The following MYO15A variants were observed in gnomAD, a reference collection of about 807,000 sequenced individuals.
MYO15A encodes myosin XVA, also known as unconventional myosin-XV.
MYO15A carries 308 observed loss-of-function variants against 394.6 expected under a neutral mutation model. That is an observed-to-expected ratio of 0.78 (90% confidence interval 0.71 to 0.86). MYO15A has a LOEUF of 0.86. MYO15A is among the 40% of genes least tolerant of loss of function. The pLI is 0.00. For synonymous variants in MYO15A, 1,957 were observed against 2,003.8 expected (o/e 0.98, Z 0.62); for missense variants, 4,606 against 4,799.1 (o/e 0.96, Z 1.19).
intron 47 of MYO15A, chr17:18,155,869 T>C: frequency 4.5e-6 from 2 of 443,720 alleles, no homozygotes; most frequent in Non-Finnish European, 8.4e-6. Context: ...AGGTAAAACC[T>C]GCATGCTTTG....
Position 18,119,525 on chromosome 17 carries a change from G to A in MYO15A, c.725G>A (p.Gly242Asp), listed in dbSNP as rs1567619584. ...LGEYYDYHRD[G>D]DDYYDRQSLH... ...GAGTATTATGACTATCACCGCGACG[G>A]CGACGACTACTACGACCGGCAGTCA... is the stretch of plus-strand genomic sequence containing the variant. The change falls in exon 2 of 66, where the codon GGC becomes GAC. Residue 242 changes from glycine (G) to aspartate (D), a missense_variant. Coordinates refer to ENST00000647165, the MANE Select transcript of MYO15A (RefSeq NM_016239.4). 2 of 1,610,550 alleles carry A rather than the reference G, an allele frequency of 1.2e-6. No homozygotes were observed. The highest frequency in any genetic ancestry group is 3.3e-5 in the Admixed American group (2 of 60,020).
In MYO15A at chr17:18,154,705, C is replaced by T; in HGVS notation, c.8174C>T (p.Ala2725Val). 3 of 1,613,740 alleles carry T rather than the reference C, an allele frequency of 1.9e-6. No individual in the cohort carries two copies. Among genetic ancestry groups the T allele is most frequent in the African/African-American group, 1.3e-5 (1 of 75,030 alleles). Residue 2725 changes from alanine (A) to valine (V), a missense_variant, in exon 45 of 66, where the codon GCC becomes GTC. This residue lies in a region of MYO15A where 2,776 missense variants were observed against 3,109.3 expected (regional missense o/e 0.89). Coordinates refer to ENST00000647165, the MANE Select transcript of MYO15A (RefSeq NM_016239.4). The stretch of plus-strand genomic sequence containing the variant: ...ATCCTGCACGACACGCTCTCCGAGG[C>T]CTGCCTTCGCATCTCTGAGGATGAG... ...RQILHDTLSE[A>V]CLRISEDERL...
At chr17:18,140,890 C>A (rs2046366588) in intron 21 of MYO15A, 58 bp downstream of exon 21, 1 of 1,613,354 alleles carries the variant, frequency 6.2e-7, no homozygotes, top group Non-Finnish European at 8.5e-7. Context: ...GCTGTGTGAC[C>A]TTGGGCAAGT....
chr17:18,145,451 C>T (rs1472182054), intron 29 of MYO15A, among the ~76,000 whole-genome samples: 2 of 152,114 alleles, frequency 1.3e-5, no homozygotes, highest in Non-Finnish European at 2.9e-5. Context: ...CGGTGGCGCA[C>T]ACTTGTAATC....
chr17:18,165,340 AG>A (rs1252211795), intron 60 of MYO15A, among the ~76,000 whole-genome samples: 2 of 152,258 alleles, frequency 1.3e-5, no homozygotes, highest in African/African-American at 4.8e-5. Flanking sequence ...CATCAGGGCC[AG>A]GTTCCTTCTG....
At chr17:18,135,433 C>T (rs1233217844) in intron 12 of MYO15A, among the ~76,000 whole-genome samples, 1 of 152,220 alleles carries the variant, frequency 6.6e-6, no homozygotes, top group Non-Finnish European at 1.5e-5. Context: ...CCTCCACCTC[C>T]CGGGTTCAAG....
At position 18,126,822 on chromosome 17, in the gene MYO15A, G is replaced by A. The variant is rs765260535; in HGVS notation, c.3898G>A (p.Ala1300Thr). The change falls in exon 6 of 66, where the codon GCC (alanine) becomes ACC (threonine). Residue 1300 changes from alanine to threonine, a missense_variant. By Grantham distance (58) the Ala-to-Thr change is moderately conservative (BLOSUM62 0). Transcript: ENST00000647165. ...HLFAVANLAF[A>T]KMLDAKQNQC... ...CTTTGCTGTTGCAAATCTCGCCTTCGCCAAAATGCTCGATGCCAAACAGAA... is the reference window on the plus strand; with the variant it reads ...CTTTGCTGTTGCAAATCTCGCCTTCACCAAAATGCTCGATGCCAAACAGAA... 24 of 1,613,562 alleles carry A rather than the reference G, an allele frequency of 1.5e-5. No homozygotes were observed. The highest frequency in any genetic ancestry group is 6.7e-5 in the African/African-American group (5 of 74,760).
rs554643955 is a variant in MYO15A at position 18,121,791 on chromosome 17, G to A, written c.2991G>A (p.Gly997=). The part of the protein sequence containing the change: ...RVFLGRHHEP[G]PGQLTKSAGP... ...TCCTGGGCAGACACCATGAGCCGGG[G>A]CCTGGACAGCTCACCAAATCAGCTG... is the stretch of plus-strand genomic sequence containing the variant. The change falls in exon 2 of 66, where the codon GGG becomes GGA. Residue 997 remains glycine (G), a synonymous_variant. Transcript: ENST00000647165. This position sits in a 1 kb window ranked among gnomAD's most constrained non-coding sequence, Gnocchi z 5.3. 1.9e-6 allele frequency: 3 copies of A among 1,612,632 alleles called. No individual in the cohort carries two copies. Among genetic ancestry groups the A allele is most frequent in the African/African-American group, 1.3e-5 (1 of 75,020 alleles).
Position 18,121,375 on chromosome 17 carries a change from C to G in MYO15A, c.2575C>G (p.Arg859Gly). The G allele has an allele frequency of 6.6e-7, 1 of 1,520,018 alleles. No individual in the cohort carries two copies. The highest frequency in any genetic ancestry group is 2.0e-5 in the Admixed American group (1 of 49,232). 94.2% of individuals were successfully genotyped at this position (1,520,018 alleles called of 1,614,324 possible). A position where few individuals can be genotyped will look rare whatever the true frequency, so the allele number is the denominator to read the frequency against. ...PPLGLCHSPR[R>G]SSLNLPSRLP... ...CCTGGGGCTCTGCCACAGCCCGCGG[C>G]GCAGCTCCCTGAATCTGCCCTCGCG... The change falls in exon 2 of 66, where the codon CGC (arginine) becomes GGC (glycine). Residue 859 changes from arginine to glycine, a missense_variant. Arg to Gly is a moderately radical substitution (Grantham distance 125). Transcript: ENST00000647165. This position sits in a 1 kb window ranked among gnomAD's most constrained non-coding sequence, Gnocchi z 5.3.
intron 35 of MYO15A, chr17:18,149,950 CAA>C (rs369728454): frequency 0.018 from 2,221 of 124,266 alleles, no homozygotes; most frequent in South Asian, 0.061. Context: ...GACCCTGTCT[CAA>C]AAAAAAAAAA....
In MYO15A at chr17:18,148,872, G is replaced by T. The variant is rs1203379687; in HGVS notation, c.6876G>T (p.Leu2292=). ...YVLDLVSDLE[L]LRDFPRQKSY... ...TAGACCTGGTGTCGGACCTGGAGCT[G>T]CTCAGGGACTTCCCTCGACAGAAGT... The change falls in exon 33 of 66, where the codon CTG becomes CTT. Residue 2292 remains leucine (L), a synonymous_variant. Transcript: ENST00000647165. This position sits in a 1 kb window ranked among gnomAD's most constrained non-coding sequence, Gnocchi z 4.8. 6.2e-7 allele frequency: 1 copy of T among 1,607,568 alleles called. No individual in the cohort carries two copies. The highest frequency in any genetic ancestry group is 8.5e-7 in the Non-Finnish European group (1 of 1,177,044).
At chr17:18,152,050 G>GCCACTGC in intron 41 of MYO15A, 62 bp from the exon 42 acceptor site, 1 of 1,545,180 alleles carries the variant, frequency 6.5e-7, no homozygotes, top group Non-Finnish European at 8.8e-7. Context: ...CTGTGGCCCT[G>GCCACTGC]CCACTGCCCC....
intron 61 of MYO15A, among the ~76,000 whole-genome samples, chr17:18,167,170 A>G (rs1482305933): frequency 2.0e-5 from 3 of 152,202 alleles, no homozygotes; most frequent in Non-Finnish European, 2.9e-5. Flanking sequence ...ACTGGCAAAA[A>G]CGGGAGGCAA....
Position 18,124,508 on chromosome 17 carries a change from C to A in MYO15A, c.3635C>A (p.Ser1212Tyr). The A allele has an allele frequency of 6.2e-7, 1 of 1,612,906 alleles. No homozygotes were observed. Residue 1212 changes from serine to tyrosine, a missense_variant, in exon 3 of 66, where the codon TCC becomes TAC. Ser to Tyr is a moderately radical substitution (Grantham distance 144, BLOSUM62 -2). Transcript: ENST00000647165. Reference sequence around the variant, plus strand: ...ATGCACTCCATCCGCAACCTGCCATCCATGCGGTTCCGTGAGCAGCACGGG... The same window carrying A: ...ATGCACTCCATCCGCAACCTGCCATACATGCGGTTCCGTGAGCAGCACGGG... ...NKMHSIRNLPSMRFREQHGED... is the reference protein window; with the variant it reads ...NKMHSIRNLPYMRFREQHGED...
intron 7 of MYO15A, among the ~76,000 whole-genome samples, 194 bp downstream of exon 7, chr17:18,127,359 C>T (rs2046067948): frequency 6.6e-6 from 1 of 152,202 alleles, no homozygotes; most frequent in Non-Finnish European, 1.5e-5. Flanking sequence ...GAGTTCCTGC[C>T]TGTCTGTGTT....
At position 18,171,700 on chromosome 17, in the gene MYO15A, T is replaced by C; in HGVS notation, c.10145T>C (p.Leu3382Pro). The change falls in exon 63 of 66, where the codon CTC (leucine) becomes CCC (proline). Residue 3382 changes from leucine (L) to proline (P), a missense_variant. Physicochemically the swap from Leu to Pro is moderately conservative, Grantham distance 98. Coordinates refer to ENST00000647165, the MANE Select transcript of MYO15A (RefSeq NM_016239.4). Reference protein sequence around the residue: ...LYRTTAGSTWLNLVSQHRQQT... With the variant: ...LYRTTAGSTWPNLVSQHRQQT... ...CGTACAACGGCAGGCTCGACCTGGC[T>C]CAACCTGGTCAGCCAGCACCGGCAG... 1 of 1,613,050 alleles carries C rather than the reference T, an allele frequency of 6.2e-7. No individual in the cohort carries two copies. The highest frequency in any genetic ancestry group is 8.5e-7 in the Non-Finnish European group (1 of 1,180,006).
chr17:18,138,103 C>T lies in MYO15A; in HGVS notation c.4876-12C>T. 4 of 1,608,874 alleles carry T rather than the reference C, an allele frequency of 2.5e-6. No homozygotes were observed. The South Asian group carries it at 4.4e-5, about 18-fold the overall frequency. ...GATGGGAGGTTGAGCTCCTGCTGCCCACTGCCTGCAGGAGGAGTACATCCG... is the reference window on the plus strand; with the variant it reads ...GATGGGAGGTTGAGCTCCTGCTGCCTACTGCCTGCAGGAGGAGTACATCCG... On this transcript the variant is annotated splice_polypyrimidine_tract_variant and intron_variant, in intron 16 of 65. Coordinates refer to ENST00000647165, the MANE Select transcript of MYO15A (RefSeq NM_016239.4).
intron 25 of MYO15A, 93 bp downstream of exon 25, chr17:18,142,933 C>A: frequency 3.3e-6 from 4 of 1,225,286 alleles, no homozygotes; most frequent in Non-Finnish European, 4.7e-6. Context: ...CTCAGGCAGT[C>A]TTGGGTTCAA....
At chr17:18,126,237 C>A in intron 4 of MYO15A, 110 bp from the exon 5 acceptor site, 2 of 914,504 alleles carry the variant, frequency 2.2e-6, no homozygotes, top group Non-Finnish European at 3.5e-6. Context: ...GTCCAGGCAG[C>A]CAGATATCTG....
Sources: gnomAD v4.1 joint callset for allele counts (sites outside exome capture counted in the v4.1 genomes callset) on GRCh38, gnomAD v4.1.1 for gene constraint, gnomAD v4.1.1 regional missense constraint, Gnocchi (gnomAD v3.1) non-coding constraint, MANE v1.5 for transcripts, NCBI Gene and HGNC (gene_info 2026-07-23, HGNC 2026-07-21) for gene names.